The following ARID1B variants were observed in gnomAD, a reference collection of about 807,000 sequenced individuals.
ARID1B encodes the protein AT-rich interaction domain 1B.
ARID1B carries 30 observed loss-of-function variants against 212.3 expected under a neutral mutation model. The ratio of observed to expected loss-of-function variants is 0.14; its 90% CI spans 0.11 to 0.19. The LOEUF (loss-of-function observed/expected upper bound fraction) is 0.19. Ranked by LOEUF, ARID1B falls within the 10% of genes least tolerant of loss-of-function variation. The pLI is 1.00. For missense variants in ARID1B, 2,891 were observed against 3,204.0 expected (o/e 0.90, Z 2.36); for synonymous variants, 1,402 against 1,301.7 (o/e 1.08, Z -1.66).
chr6:156,792,563 T>C (rs1275866511), intron 1 of ARID1B, among the ~76,000 whole-genome samples: 1 of 152,222 alleles, frequency 6.6e-6, no homozygotes, highest in African/African-American at 2.4e-5. Flanking sequence ...AAATTCAGTA[T>C]AAATAATAGT....
intron 4 of ARID1B, among the ~76,000 whole-genome samples, chr6:157,037,953 G>A (rs1781439769): frequency 6.6e-6 from 1 of 152,120 alleles, no homozygotes; most frequent in South Asian, 2.1e-4. Context: ...GAACACAAGA[G>A]GAAGAATTAC....
chr6:157,135,944 G>A (rs1322600846), intron 7 of ARID1B, among the ~76,000 whole-genome samples: 1 of 151,210 alleles, frequency 6.6e-6, no homozygotes, highest in Non-Finnish European at 1.5e-5. Context: ...TTAACTTCAT[G>A]GCTTGCTTCT....
Position 156,829,307 on chromosome 6 carries a change from G to A in ARID1B, c.1872G>A (p.Gln624=), listed in dbSNP as rs1240706895. 6.2e-7 allele frequency: 1 copy of A among 1,614,234 alleles called. No individual in the cohort carries two copies. Among genetic ancestry groups the A allele is most frequent in the South Asian group, 1.1e-5 (1 of 91,086 alleles). ...MGSNPHSQPQ[Q]SSPYPGGSYG... Reference sequence around the variant, plus strand: ...GTAACCCTCATTCTCAGCCTCAGCAGAGCAGTCCGTACCCAGGAGGTTCCT... The same window carrying A: ...GTAACCCTCATTCTCAGCCTCAGCAAAGCAGTCCGTACCCAGGAGGTTCCT... Residue 624 remains glutamine, a synonymous_variant, in exon 2 of 20, where the codon CAG becomes CAA. Transcript: ENST00000636930.
intron 1 of ARID1B, among the ~76,000 whole-genome samples, chr6:156,786,417 T>A (rs1779634539): frequency 6.6e-6 from 1 of 152,188 alleles, no homozygotes; most frequent in African/African-American, 2.4e-5. Context: ...CTTTTAGAAT[T>A]ACATTTTAAA....
At chr6:156,784,669 G>A (rs1192991252) in intron 1 of ARID1B, among the ~76,000 whole-genome samples, 1 of 152,168 alleles carries the variant, frequency 6.6e-6, no homozygotes, top group African/African-American at 2.4e-5. Context: ...AGTAGAATAT[G>A]TGTTTCCACT....
chr6:156,954,059 A>G (rs1277536322), intron 4 of ARID1B, among the ~76,000 whole-genome samples: 1 of 152,066 alleles, frequency 6.6e-6, no homozygotes, highest in Admixed American at 6.5e-5. Context: ...GTAACATTTT[A>G]TAGGCTTTTT....
intron 4 of ARID1B, among the ~76,000 whole-genome samples, chr6:156,974,126 G>A (rs918239089): frequency 1.3e-5 from 2 of 152,094 alleles, no homozygotes; most frequent in African/African-American, 4.8e-5. Context: ...TGGATTTTGA[G>A]TTTTTACTAT....
At chr6:157,187,151 T>C (rs1435652346) in intron 13 of ARID1B, among the ~76,000 whole-genome samples, 2 of 152,100 alleles carry the variant, frequency 1.3e-5, no homozygotes, top group African/African-American at 4.8e-5. Context: ...TAGAAAAGGT[T>C]GTGGGGGAGT....
At chr6:157,024,202 T>C (rs1281554024) in intron 4 of ARID1B, 2 of 152,274 alleles carry the variant, frequency 1.3e-5, no homozygotes, top group Non-Finnish European at 2.9e-5. Context: ...AAATGATATG[T>C]GGTTTAACTC....
At chr6:157,196,020 C>G in intron 15 of ARID1B, 145 bp from the exon 16 acceptor site, 1 of 988,040 alleles carries the variant, frequency 1.0e-6, no homozygotes, top group South Asian at 1.7e-5. Flanking sequence ...AAGATCACAC[C>G]ACTGCATTAG....
At chr6:157,166,357 AC>A (rs1206402607) in intron 8 of ARID1B, 1 of 152,184 alleles carries the variant, frequency 6.6e-6, no homozygotes, top group African/African-American at 2.4e-5. Context: ...GGTCTGCACC[AC>A]CCTGGGGACG....
chr6:156,845,952 A>G (rs1185448503), intron 2 of ARID1B, among the ~76,000 whole-genome samples: 1 of 151,426 alleles, frequency 6.6e-6, no homozygotes, highest in Non-Finnish European at 1.5e-5. Context: ...CTGTTTTTGT[A>G]GTTTCACTTT....
At chr6:156,903,271 T>C (rs1007567741) in intron 3 of ARID1B, among the ~76,000 whole-genome samples, 2 of 152,244 alleles carry the variant, frequency 1.3e-5, no homozygotes, top group African/African-American at 2.4e-5. Context: ...CAGTCTATCT[T>C]ATGCTTTGAT....
At chr6:156,837,364 A>G (rs1783582770) in intron 2 of ARID1B, among the ~76,000 whole-genome samples, 2 of 152,252 alleles carry the variant, frequency 1.3e-5, no homozygotes, top group African/African-American at 2.4e-5. Context: ...GAAAACAAGT[A>G]TATATTGAAC....
chr6:157,015,734 C>A (rs1362535744), intron 4 of ARID1B, among the ~76,000 whole-genome samples: 2 of 152,182 alleles, frequency 1.3e-5, no homozygotes, highest in African/African-American at 2.4e-5. Context: ...TATAACCCTG[C>A]GTTTGCTGTC....
chr6:157,100,603 T>C (rs1212860362), intron 5 of ARID1B, among the ~76,000 whole-genome samples: 2 of 152,250 alleles, frequency 1.3e-5, no homozygotes, highest in African/African-American at 2.4e-5. Flanking sequence ...GACTAGGACA[T>C]TTGTTGAATG....
At chr6:156,977,354 C>G (rs1777319840) in intron 4 of ARID1B, among the ~76,000 whole-genome samples, 1 of 148,898 alleles carries the variant, frequency 6.7e-6, no homozygotes, top group Admixed American at 6.7e-5. Flanking sequence ...GTCTCTTTCT[C>G]TTTGTGTTTT....
At chr6:156,922,845 G>T (rs1790918228) in intron 3 of ARID1B, among the ~76,000 whole-genome samples, 1 of 152,164 alleles carries the variant, frequency 6.6e-6, no homozygotes, top group South Asian at 2.1e-4. Flanking sequence ...CAAGAATTCA[G>T]GCCCTAGATA....
Position 156,893,060 on chromosome 6 carries a change from T to TTTTTTTTTTTTTTTTTTTG in ARID1B, c.1987-8316_1987-8315insTTTTTTTTTTTTTTTTTTG, listed in dbSNP as rs1268821728. ...TTTTTTCTTCCTTTTTTTTTTTTTT[T>TTTTTTTTTTTTTTTTTTTG]GAGATGGAGTCTTGCCCTGTCACCC... On this transcript the variant is annotated intron_variant, in intron 2 of 19. Transcript: ENST00000636930. Among the ~76,000 whole-genome samples, 15 of 137,764 alleles carry TTTTTTTTTTTTTTTTTTTG rather than the reference T, an allele frequency of 1.1e-4. 2 individuals are homozygous for TTTTTTTTTTTTTTTTTTTG. Among genetic ancestry groups the TTTTTTTTTTTTTTTTTTTG allele is most frequent in the African/African-American group, 1.4e-4 (5 of 36,174 alleles). 90.4% of individuals were successfully genotyped at this position (137,764 alleles called of 152,430 possible). A position where few individuals can be genotyped will look rare whatever the true frequency, so the allele number is the denominator to read the frequency against.
Sources: allele counts gnomAD v4.1 joint callset (sites outside exome capture counted in the v4.1 genomes callset), GRCh38; gene constraint gnomAD v4.1.1; transcripts MANE v1.5; gene names NCBI Gene and HGNC (gene_info 2026-07-23, HGNC 2026-07-21).